The following DR1 variants were observed in gnomAD, a reference collection of about 807,000 sequenced individuals.
DR1 encodes protein Dr1.
In DR1, 7 loss-of-function variants were observed where a neutral mutation model predicts 19.9. The ratio of observed to expected loss-of-function variants is 0.35; its 90% CI spans 0.20 to 0.66. The LOEUF is 0.66. DR1 is among the 30% of genes least tolerant of loss of function. The pLI is 0.66. For missense variants in DR1, 98 were observed against 203.7 expected (o/e 0.48, Z 3.16); for synonymous variants, 76 against 72.5 (o/e 1.05, Z -0.24).
At chr1:93,352,340 G>A (rs1235525482) in intron 1 of DR1, among the ~76,000 whole-genome samples, 2 of 152,184 alleles carry the variant, frequency 1.3e-5, no homozygotes, top group African/African-American at 4.8e-5. Flanking sequence ...AAAGTGCTGG[G>A]ATTATAGGCG....
In DR1 at chr1:93,346,626, G is replaced by A. The variant is rs141828987; in HGVS notation, c.-20G>A. Reference sequence around the variant, plus strand: ...CTGGGGAGTTTTTAAAAGCCGGGGCGCGAGAAACAGGAAGGTACTATGGCT... The same window carrying A: ...CTGGGGAGTTTTTAAAAGCCGGGGCACGAGAAACAGGAAGGTACTATGGCT... On this transcript the variant is annotated 5_prime_UTR_variant, in exon 1 of 3. Transcript: ENST00000370272. 9,138 of 1,607,166 alleles carry A rather than the reference G, an allele frequency of 5.7e-3. 40 individuals carry two copies. Among genetic ancestry groups the A allele is most frequent in the South Asian group, 9.0e-3 (819 of 90,894 alleles).
intron 1 of DR1, among the ~76,000 whole-genome samples, chr1:93,347,486 T>G (rs1053514936): frequency 6.6e-6 from 1 of 152,234 alleles, no homozygotes; most frequent in Non-Finnish European, 1.5e-5. Context: ...AGGGTGAACT[T>G]TAAATTTTCG....
In DR1 at chr1:93,367,780, G is replaced by T. The variant is rs942949590; in HGVS notation, c.*7141G>T. On this transcript the variant is annotated 3_prime_UTR_variant, in exon 3 of 3. Transcript: ENST00000370272. Reference sequence around the variant, plus strand: ...TGTAATCCCAGCACTTTGGGAGGCCGAGGCGGGTGGATCACGAGGTCAGGA... The same window carrying T: ...TGTAATCCCAGCACTTTGGGAGGCCTAGGCGGGTGGATCACGAGGTCAGGA... The T allele has an allele frequency of 1.3e-5, 2 of 152,280 alleles. No individual in the cohort carries two copies. The highest frequency in any genetic ancestry group is 2.4e-5 in the African/African-American group (1 of 41,448). 9.4% of individuals were successfully genotyped at this position (152,280 alleles called of 1,614,324 possible).
rs1418111525 is a variant in DR1 at position 93,366,913 on chromosome 1, G to A, written c.*6274G>A. 1 of 152,094 alleles carries A rather than the reference G, an allele frequency of 6.6e-6. No individual in the cohort carries two copies. Among genetic ancestry groups the A allele is most frequent in the African/African-American group, 2.4e-5 (1 of 41,376 alleles). 9.4% of individuals were successfully genotyped at this position (152,094 alleles called of 1,614,324 possible). A position where few individuals can be genotyped will look rare whatever the true frequency, so the allele number is the denominator to read the frequency against. ...GCTACTCGGGAGCCTGATGTGGGAG[G>A]ATCCCTTGAGCCTGGGAGGTCGAGG... is the stretch of plus-strand genomic sequence containing the variant. On this transcript the variant is annotated 3_prime_UTR_variant, in exon 3 of 3. Coordinates refer to ENST00000370272, the MANE Select transcript of DR1 (RefSeq NM_001938.3).
rs984972318 is a variant in DR1 at position 93,365,648 on chromosome 1, C to G, written c.*5009C>G. The G allele has an allele frequency of 6.6e-6, 1 of 152,178 alleles. No individual in the cohort carries two copies. The highest frequency in any genetic ancestry group is 1.5e-5 in the Non-Finnish European group (1 of 68,034). 9.4% of individuals were successfully genotyped at this position (152,178 alleles called of 1,614,324 possible). On this transcript the variant is annotated 3_prime_UTR_variant, in exon 3 of 3. Transcript: ENST00000370272. The stretch of plus-strand genomic sequence containing the variant: ...GAAACTGAACCTCTGTTAGAAGCAA[C>G]ACACAGTATCACTGCAAAAAGACTA...
At chr1:93,356,144 G>A (rs1477780169) in intron 2 of DR1, among the ~76,000 whole-genome samples, 3 of 151,920 alleles carry the variant, frequency 2.0e-5, no homozygotes, top group African/African-American at 7.3e-5. Context: ...TGAGTAGGGG[G>A]CAAGAGAGAA....
Position 93,361,081 on chromosome 1 carries a change from G to T in DR1, c.*442G>T. ...GTGTGAATCAGTAGACATTGGATTG[G>T]GTTGGTGAAAGAGTTCAGTTCTGTA... On this transcript the variant is annotated 3_prime_UTR_variant, in exon 3 of 3. Coordinates refer to ENST00000370272, the MANE Select transcript of DR1 (RefSeq NM_001938.3). 6.3e-6 allele frequency: 1 copy of T among 159,666 alleles called. No individual in the cohort carries two copies. Among genetic ancestry groups the T allele is most frequent in the Non-Finnish European group, 1.4e-5 (1 of 73,322 alleles). 9.9% of individuals were successfully genotyped at this position (159,666 alleles called of 1,614,324 possible). A position where few individuals can be genotyped will look rare whatever the true frequency, so the allele number is the denominator to read the frequency against.
rs1667208147 is a variant in DR1, at chr1:93,369,468, T to G, written c.*8829T>G. 6.6e-6 allele frequency: 1 copy of G among 152,222 alleles called. No individual in the cohort carries two copies. Among genetic ancestry groups the G allele is most frequent in the South Asian group, 2.1e-4 (1 of 4,834 alleles). The allele number at this position is 152,222 out of a possible 1,614,324, so 9.4% of individuals were successfully genotyped here. A position where few individuals can be genotyped will look rare whatever the true frequency, so the allele number is the denominator to read the frequency against. The stretch of plus-strand genomic sequence containing the variant: ...TCAGTGTTATGCAGAATATGAGAAG[T>G]TATTTTATAAAGTTGATTTGTGGTA... On this transcript the variant is annotated 3_prime_UTR_variant, in exon 3 of 3. Coordinates refer to ENST00000370272, the MANE Select transcript of DR1 (RefSeq NM_001938.3).
rs1234216752 is a variant in DR1 at position 93,362,495 on chromosome 1, T to C, written c.*1856T>C. 1 of 151,984 alleles carries C rather than the reference T, an allele frequency of 6.6e-6. No individual in the cohort carries two copies. The highest frequency in any genetic ancestry group is 2.4e-5 in the African/African-American group (1 of 41,348). 9.4% of individuals were successfully genotyped at this position (151,984 alleles called of 1,614,324 possible). ...TAATATTTTACTGCATCTGATAATG[T>C]ATTATACGTTTGAAGCCTAGTGACT... On this transcript the variant is annotated 3_prime_UTR_variant, in exon 3 of 3. Transcript: ENST00000370272.
rs1409120673 is a variant in DR1 at position 93,362,906 on chromosome 1, T to C, written c.*2267T>C. ...TGCCAGTTAAAATTTTTTAAATCTT[T>C]TGAAGAGAGAAACAAAATCTTCAGC... On this transcript the variant is annotated 3_prime_UTR_variant, in exon 3 of 3. Coordinates refer to ENST00000370272, the MANE Select transcript of DR1 (RefSeq NM_001938.3). 2.0e-5 allele frequency: 3 copies of C among 147,020 alleles called. No individual in the cohort carries two copies. Among genetic ancestry groups the C allele is most frequent in the Non-Finnish European group, 4.5e-5 (3 of 67,042 alleles). 9.1% of individuals were successfully genotyped at this position (147,020 alleles called of 1,614,324 possible).
Position 93,368,668 on chromosome 1 carries a change from T to C in DR1, c.*8029T>C, listed in dbSNP as rs1667198801. On this transcript the variant is annotated 3_prime_UTR_variant, in exon 3 of 3. Coordinates refer to ENST00000370272, the MANE Select transcript of DR1 (RefSeq NM_001938.3). ...CTTCTAGAATCCATGTAGTAGGGTG[T>C]AGTAGTGTGGTTAAGCTATGAAGAA... 1 of 152,210 alleles carries C rather than the reference T, an allele frequency of 6.6e-6. No individual in the cohort carries two copies. Among genetic ancestry groups the C allele is most frequent in the South Asian group, 2.1e-4 (1 of 4,834 alleles). The allele number at this position is 152,210 out of a possible 1,614,324, so 9.4% of individuals were successfully genotyped here. A position where few individuals can be genotyped will look rare whatever the true frequency, so the allele number is the denominator to read the frequency against.
intron 2 of DR1, chr1:93,355,912 G>A (rs1470005131): frequency 6.6e-6 from 1 of 152,124 alleles, no homozygotes; most frequent in Non-Finnish European, 1.5e-5. Context: ...TTAACACAAT[G>A]ACAGCCTCAT....
intron 1 of DR1, among the ~76,000 whole-genome samples, chr1:93,347,186 A>AATAT (rs1193994488): frequency 1.2e-4 from 18 of 152,200 alleles, no homozygotes; most frequent in African/African-American, 4.3e-4. Context: ...GAACTTAGAT[A>AATAT]ATAATTAAGG....
Position 93,360,515 on chromosome 1 carries a change from T to G in DR1, c.407T>G (p.Leu136Trp). The change falls in exon 3 of 3, where the codon TTG becomes TGG. Residue 136 changes from leucine to tryptophan, a missense_variant. Leu to Trp is a moderately conservative substitution (Grantham distance 61). Transcript: ENST00000370272. ...FAKARQQQAE[L>W]AQQEWLQMQQ... ...TAGGCTAGACAGCAACAAGCAGAAT[T>G]GGCCCAACAGGAATGGCTTCAAATG... 1 of 1,585,968 alleles carries G rather than the reference T, an allele frequency of 6.3e-7. No homozygotes were observed. The highest frequency in any genetic ancestry group is 8.5e-7 in the Non-Finnish European group (1 of 1,171,922).
rs1044279250 is a variant in DR1 at position 93,364,179 on chromosome 1, C to T, written c.*3540C>T. 2.0e-5 allele frequency: 3 copies of T among 152,076 alleles called. No homozygotes were observed. Among genetic ancestry groups the T allele is most frequent in the African/African-American group, 7.2e-5 (3 of 41,400 alleles). The allele number at this position is 152,076 out of a possible 1,614,324, so 9.4% of individuals were successfully genotyped here. A position where few individuals can be genotyped will look rare whatever the true frequency, so the allele number is the denominator to read the frequency against. ...ATTTCTCGAAACACCTAAATTGTAC[C>T]AAATGAGTTATATTGCAGCAGGTAT... is the stretch of plus-strand genomic sequence containing the variant. On this transcript the variant is annotated 3_prime_UTR_variant, in exon 3 of 3. Coordinates refer to ENST00000370272, the MANE Select transcript of DR1 (RefSeq NM_001938.3).
intron 1 of DR1, among the ~76,000 whole-genome samples, chr1:93,353,317 G>A (rs1389010322): frequency 3.3e-5 from 5 of 151,952 alleles, no homozygotes; most frequent in East Asian, 3.9e-4. Flanking sequence ...ATTTAAATAT[G>A]TTTTTATTTT....
Position 93,360,816 on chromosome 1 carries a change from CTT to C in DR1, c.*179_*180del. On this transcript the variant is annotated 3_prime_UTR_variant, in exon 3 of 3. Coordinates refer to ENST00000370272, the MANE Select transcript of DR1 (RefSeq NM_001938.3). Reference sequence around the variant, plus strand: ...TGTGCTATACATGTAAAAACTGTCTCTTTGAACTATTGAAAATTTAAGGTTCA... The same window carrying C: ...TGTGCTATACATGTAAAAACTGTCTCTGAACTATTGAAAATTTAAGGTTCA... The C allele has an allele frequency of 3.0e-6, 2 of 655,872 alleles. No homozygotes were observed. Among genetic ancestry groups the C allele is most frequent in the Non-Finnish European group, 4.8e-6 (2 of 417,310 alleles). The allele number at this position is 655,872 out of a possible 1,614,324, so 40.6% of individuals were successfully genotyped here.
rs575499094 is a variant in DR1, at chr1:93,356,256, G to A, written c.384+2185G>A. On this transcript the variant is annotated intron_variant, in intron 2 of 2. Coordinates refer to ENST00000370272, the MANE Select transcript of DR1 (RefSeq NM_001938.3). ...ACTTTTTTTTTTTTTTAAAGAGACA[G>A]GATCTCACCATGTTGCCCAGGCTGG... is the stretch of plus-strand genomic sequence containing the variant. 6.0e-4 allele frequency among the ~76,000 whole-genome samples: 90 copies of A among 151,072 alleles called. 1 individual carries two copies. The highest frequency in any genetic ancestry group is 9.9e-4 in the Non-Finnish European group (67 of 67,816).
chr1:93,366,679 G>T lies in DR1; in HGVS notation c.*6040G>T, dbSNP rs1667135648. 6.6e-6 allele frequency: 1 copy of T among 152,116 alleles called. No homozygotes were observed. The highest frequency in any genetic ancestry group is 2.4e-5 in the African/African-American group (1 of 41,420). 9.4% of individuals were successfully genotyped at this position (152,116 alleles called of 1,614,324 possible). On this transcript the variant is annotated 3_prime_UTR_variant, in exon 3 of 3. Transcript: ENST00000370272. ...TAAAATTAAACATTGAGATTAATAT[G>T]AGCTTTATATACATTTAAAAAGGAT...
Sources: allele counts gnomAD v4.1 joint callset (sites outside exome capture counted in the v4.1 genomes callset), GRCh38; gene constraint gnomAD v4.1.1; transcripts MANE v1.5; gene names NCBI Gene and HGNC (gene_info 2026-07-23, HGNC 2026-07-21).